Variants in TTC23 observed in about 807,000 individuals in gnomAD.
TTC23 encodes tetratricopeptide repeat protein 23.
A neutral mutation model predicts 55.1 loss-of-function variants in TTC23; 58 were observed. That is an observed-to-expected ratio of 1.05 (90% confidence interval 0.85 to 1.31). TTC23 has a LOEUF of 1.31. Among genes scored for constraint, TTC23 ranks in the 50% most tolerant of loss-of-function variants. The pLI, the probability that TTC23 is intolerant of heterozygous loss-of-function variation, is 0.00. For synonymous variants in TTC23, 203 were observed against 199.9 expected (o/e 1.02, Z -0.13); for missense variants, 516 against 534.4 (o/e 0.97, Z 0.34).
intron 8 of TTC23, among the ~76,000 whole-genome samples, chr15:99,216,913 G>A (rs773922338): frequency 5.9e-5 from 9 of 152,200 alleles, no homozygotes; most frequent in Non-Finnish European, 1.3e-4. Context: ...ACTTAGCCAC[G>A]TAAGTGAAGC....
Position 99,147,102 on chromosome 15 carries a change from A to G in TTC23, c.1144-7703T>C, listed in dbSNP as rs574331345. Among the ~76,000 whole-genome samples, 7 of 149,796 alleles carry G rather than the reference A, an allele frequency of 4.7e-5. No individual in the cohort carries two copies. In the South Asian group the frequency reaches 1.5e-3, roughly 32 times the overall value. On this transcript the variant is annotated intron_variant, in intron 12 of 13. Coordinates refer to ENST00000394132, the MANE Select transcript of TTC23 (RefSeq NM_001288615.3). Reference sequence around the variant, plus strand: ...GCTAATTTTTGTATTTTTAGTAGAGATGGGGTTTCACCATGTTGGCCAGTC... The same window carrying G: ...GCTAATTTTTGTATTTTTAGTAGAGGTGGGGTTTCACCATGTTGGCCAGTC...
chr15:99,147,382 C>T (rs1417428578), intron 12 of TTC23, among the ~76,000 whole-genome samples: 10 of 152,044 alleles, frequency 6.6e-5, no homozygotes, highest in East Asian at 1.9e-4. Context: ...CCCGCCACCA[C>T]ACCCGGCTAA....
intron 6 of TTC23, among the ~76,000 whole-genome samples, chr15:99,219,621 A>G (rs1009874563): frequency 6.6e-6 from 1 of 152,142 alleles, no homozygotes; most frequent in African/African-American, 2.4e-5. Context: ...CTAATATGAA[A>G]CAAAGTGGAG....
At chr15:99,165,013 G>A (rs182648292) in intron 10 of TTC23, among the ~76,000 whole-genome samples, 1 of 152,306 alleles carries the variant, frequency 6.6e-6, no homozygotes, top group East Asian at 1.9e-4. Flanking sequence ...TCCCTTATAA[G>A]GAGGTATAAG....
chr15:99,216,379 A>C (rs1208927109), intron 8 of TTC23, among the ~76,000 whole-genome samples: 1 of 152,198 alleles, frequency 6.6e-6, no homozygotes, highest in African/African-American at 2.4e-5. Context: ...ATAAATCATA[A>C]GGTGAAAATG....
intron 8 of TTC23, among the ~76,000 whole-genome samples, chr15:99,208,776 C>T (rs1238245058): frequency 6.6e-6 from 1 of 152,152 alleles, no homozygotes; most frequent in Admixed American, 6.5e-5. Context: ...CAAGAAATAA[C>T]TAAATTATAG....
chr15:99,201,512 T>C (rs1444147769), intron 8 of TTC23, among the ~76,000 whole-genome samples: 1 of 152,228 alleles, frequency 6.6e-6, no homozygotes, highest in East Asian at 1.9e-4. Context: ...CTGGGTATTT[T>C]TCACACCTAT....
At chr15:99,233,390 A>G (rs2079076539) in intron 4 of TTC23, among the ~76,000 whole-genome samples, 1 of 152,226 alleles carries the variant, frequency 6.6e-6, no homozygotes, top group South Asian at 2.1e-4. Context: ...TAATGAGAAT[A>G]TTGTGAACAC....
intron 9 of TTC23, among the ~76,000 whole-genome samples, chr15:99,180,357 A>C (rs529488098): frequency 2.6e-5 from 4 of 152,194 alleles, no homozygotes; most frequent in South Asian, 2.1e-4. Context: ...AAAAAAAAAA[A>C]ACAAAACTCA....
chr15:99,221,776 T>A lies in TTC23; in HGVS notation c.269A>T (p.His90Leu). The A allele has an allele frequency of 6.2e-7, 1 of 1,614,180 alleles. No individual in the cohort carries two copies. The highest frequency in any genetic ancestry group is 2.2e-5 in the East Asian group (1 of 44,870). The stretch of plus-strand genomic sequence containing the variant: ...GAGGTAGCCTTGAGCCAGATTAACA[T>A]GTGCCTCTGCTAGTTTCCAATGTGA... ...GDSHWKLAEA[H>L]VNLAQGYLQL... The change falls in exon 6 of 14, where the codon CAT becomes CTT. Residue 90 changes from histidine (H) to leucine (L), a missense_variant. By Grantham distance (99) the His-to-Leu change is moderately conservative (BLOSUM62 -3). Transcript: ENST00000394132.
chr15:99,155,875 CAT>C, intron 12 of TTC23: 2 of 507,878 alleles, frequency 3.9e-6, no homozygotes, highest in East Asian at 5.8e-5. Context: ...GCACCGCAAA[CAT>C]AAAGGACTGA....
chr15:99,138,752 C>T (rs948346162), intron 13 of TTC23, among the ~76,000 whole-genome samples: 31 of 152,238 alleles, frequency 2.0e-4, no homozygotes, highest in Non-Finnish European at 3.4e-4. Context: ...CTTCCCTGCC[C>T]TCAAAGGGGA....
chr15:99,193,907 G>C (rs1253797290), intron 9 of TTC23, among the ~76,000 whole-genome samples: 1 of 152,044 alleles, frequency 6.6e-6, no homozygotes, highest in Non-Finnish European at 1.5e-5. Flanking sequence ...TACTCGGGAG[G>C]CTGATGCAGG....
At chr15:99,172,099 C>A (rs919383345) in intron 10 of TTC23, among the ~76,000 whole-genome samples, 1 of 151,304 alleles carries the variant, frequency 6.6e-6, no homozygotes, top group Non-Finnish European at 1.5e-5. Context: ...CTCACTGTAA[C>A]CTTTGCCTCC....
At chr15:99,155,163 CAA>C (rs1194691451) in intron 12 of TTC23, among the ~76,000 whole-genome samples, 2 of 151,764 alleles carry the variant, frequency 1.3e-5, no homozygotes, top group Non-Finnish European at 2.9e-5. Flanking sequence ...TTAAAAAAAT[CAA>C]AAGATATAAC....
chr15:99,190,266 TTTTG>T (rs1441385539), intron 9 of TTC23, among the ~76,000 whole-genome samples: 7 of 151,062 alleles, frequency 4.6e-5, no homozygotes, highest in Non-Finnish European at 7.4e-5. Context: ...TGTTTTTTTT[TTTTG>T]TTTGTTTTTG....
chr15:99,214,126 A>G (rs937231245), intron 8 of TTC23, among the ~76,000 whole-genome samples: 1 of 152,120 alleles, frequency 6.6e-6, no homozygotes, highest in African/African-American at 2.4e-5. Context: ...TTATTTATTT[A>G]TTTAAAGAGA....
intron 8 of TTC23, among the ~76,000 whole-genome samples, chr15:99,215,975 A>G (rs2077449965): frequency 6.6e-6 from 1 of 152,226 alleles, no homozygotes; most frequent in Admixed American, 6.5e-5. Context: ...GCTAGGATAT[A>G]GTATCAGACA....
At chr15:99,221,720 C>T (rs771145580) in intron 6 of TTC23, 21 bp downstream of exon 6, 2 of 1,613,760 alleles carry the variant, frequency 1.2e-6, no homozygotes, top group Non-Finnish European at 1.7e-6. Context: ...ACTGATCCCC[C>T]TCAGTCTAAG....
Sources: allele counts gnomAD v4.1 joint callset (sites outside exome capture counted in the v4.1 genomes callset), GRCh38; gene constraint gnomAD v4.1.1; transcripts MANE v1.5; gene names NCBI Gene and HGNC (gene_info 2026-07-23, HGNC 2026-07-21).